Variants in TMIE observed in about 807,000 individuals in gnomAD.
The protein encoded by TMIE is transmembrane inner ear expressed protein.
A neutral mutation model predicts 16.8 loss-of-function variants in TMIE; 14 were observed. The ratio of observed to expected loss-of-function variants is 0.83; its 90% CI spans 0.55 to 1.30. TMIE has a LOEUF of 1.30. Ranked by LOEUF, TMIE falls within the 50% of genes most tolerant of loss-of-function variation. The probability of loss-of-function intolerance (pLI) is 0.00; values close to 1 mark genes in which losing one functional copy is unlikely to be tolerated. For synonymous variants in TMIE, 75 were observed against 87.2 expected, an observed-to-expected ratio of 0.86 and a Z score of 0.78; for missense variants, 204 against 205.9, an observed-to-expected ratio of 0.99 and a Z score of 0.06.
intron 2 of TMIE, 85 bp from the exon 3 acceptor site, chr3:46,709,040 TG>T (rs766032476): frequency 1.7e-5 from 26 of 1,567,752 alleles, no homozygotes; most frequent in South Asian, 1.6e-4. Context: ...TGTGGGTGGA[TG>T]GGGGCGGGCC....
chr3:46,701,178 T>C (rs1396209586), upstream of TMIE: 1 of 319,570 alleles, frequency 3.1e-6, no homozygotes, highest in Non-Finnish European at 5.7e-6. The surrounding 1 kb of genome is among the most constrained non-coding windows in gnomAD (Gnocchi z 4.3). Flanking sequence ...GGGGACCTGT[T>C]GATTAGGGAC....
chr3:46,704,876 C>T (rs1700531472), intron 1 of TMIE, among the ~76,000 whole-genome samples: 1 of 152,060 alleles, frequency 6.6e-6, no homozygotes, highest in South Asian at 2.1e-4. Flanking sequence ...CCTAGACACC[C>T]AGGGCCAGGG....
In TMIE at chr3:46,709,674, A is replaced by G. The variant is rs1700596596; in HGVS notation, c.457A>G (p.Lys153Glu). The change falls in exon 4 of 4, where the codon AAA (lysine) becomes GAA (glutamate). Residue 153 changes from lysine (K) to glutamate (E), a missense_variant. Lys to Glu is a moderately conservative substitution (Grantham distance 56). Coordinates refer to ENST00000643606, the MANE Select transcript of TMIE (RefSeq NM_147196.3). ...TGAGAAGAATGAGGCCAAGAAGAAG[A>G]AAGGAGAGAAATGAAGACATCCTGG... ...EDEKNEAKKK[K>E]GEK 1.2e-6 allele frequency: 2 copies of G among 1,613,818 alleles called. No individual in the cohort carries two copies.
upstream of TMIE, chr3:46,701,263 A>G: frequency 3.1e-6 from 1 of 323,562 alleles, no homozygotes; most frequent in Non-Finnish European, 5.7e-6. The surrounding 1 kb of genome is among the most constrained non-coding windows in gnomAD (Gnocchi z 4.3). Flanking sequence ...GGGGGCAGGG[A>G]GGGGGAGCCT....
chr3:46,696,084 C>T (rs1700409840), intron 1 of TMIE, among the ~76,000 whole-genome samples: 1 of 152,196 alleles, frequency 6.6e-6, no homozygotes, highest in Non-Finnish European at 1.5e-5. Flanking sequence ...CCCACCCACA[C>T]CACTCCCACA....
At chr3:46,696,224 C>T (rs913399118) in intron 1 of TMIE, among the ~76,000 whole-genome samples, 3 of 152,210 alleles carry the variant, frequency 2.0e-5, no homozygotes, top group Admixed American at 1.3e-4. Flanking sequence ...CCTGGGTATG[C>T]GTGTGCAGAT....
At chr3:46,707,988 C>A (rs896365631) in intron 2 of TMIE, among the ~76,000 whole-genome samples, 5 of 152,244 alleles carry the variant, frequency 3.3e-5, no homozygotes, top group African/African-American at 1.2e-4. Context: ...CTCAGGTCCA[C>A]CCCTGGACAG....
chr3:46,695,193 G>A (rs77225527), intron 1 of TMIE, among the ~76,000 whole-genome samples: 122 of 152,338 alleles, frequency 8.0e-4, no homozygotes, highest in Admixed American at 1.1e-3. Flanking sequence ...CAGAGCCACC[G>A]CCCCAGCAGG....
chr3:46,702,816 A>T (rs906072459), intron 1 of TMIE, among the ~76,000 whole-genome samples: 5 of 152,132 alleles, frequency 3.3e-5, no homozygotes, highest in African/African-American at 1.2e-4. Flanking sequence ...GCTGGGCTAG[A>T]GTCAGGTGTC....
chr3:46,703,445 A>C (rs1226314133), intron 1 of TMIE, among the ~76,000 whole-genome samples: 3 of 152,096 alleles, frequency 2.0e-5, no homozygotes, highest in African/African-American at 7.2e-5. Flanking sequence ...CAACACATTG[A>C]GCCTTAGAAT....
chr3:46,705,889 C>T lies in TMIE; in HGVS notation c.193C>T (p.Leu65Phe). The T allele has an allele frequency of 1.9e-6, 3 of 1,614,130 alleles. No homozygotes were observed. Among genetic ancestry groups the T allele is most frequent in the Non-Finnish European group, 1.7e-6 (2 of 1,180,000 alleles). The change falls in exon 2 of 4, where the codon CTC becomes TTC. Residue 65 changes from leucine to phenylalanine, a missense_variant. Coordinates refer to ENST00000643606, the MANE Select transcript of TMIE (RefSeq NM_147196.3). ...RLWHVVGIFS[L>F]FVLSIIITLC... ...GTGGCACGTGGTGGGCATCTTTTCGCTCTTCGTGTTGTCCATCAGTGAGTA... is the reference window on the plus strand; with the variant it reads ...GTGGCACGTGGTGGGCATCTTTTCGTTCTTCGTGTTGTCCATCAGTGAGTA...
chr3:46,709,591 AG>A lies in TMIE; in HGVS notation c.375del (p.Lys126ArgfsTer16), dbSNP rs1346799484. On this transcript the variant is annotated frameshift_variant, in exon 4 of 4. Transcript: ENST00000643606. LOFTEE classifies it high-confidence loss of function. Reference protein sequence around the residue: ...LTEVPGEDKKKKKKKKKDSVD... With the variant: ...LTEVPGEDKKXKKKKKKDSVD... ...CCCTGCCCCACAGAGGATAAGAAGAAGAAGAAGAAGAAGAAGAAGGACAGTG... is the reference window on the plus strand; with the variant it reads ...CCCTGCCCCACAGAGGATAAGAAGAAAAGAAGAAGAAGAAGAAGGACAGTG... 4.6e-6 allele frequency: 7 copies of A among 1,531,322 alleles called. No homozygotes were observed. The African/African-American group carries it at 5.5e-5, about 12-fold the overall frequency. 94.9% of individuals were successfully genotyped at this position (1,531,322 alleles called of 1,614,324 possible). A position where few individuals can be genotyped will look rare whatever the true frequency, so the allele number is the denominator to read the frequency against.
At chr3:46,697,025 A>G (rs1465647569), upstream of TMIE, among the ~76,000 whole-genome samples, 1 of 152,194 alleles carries the variant, frequency 6.6e-6, no homozygotes, top group Non-Finnish European at 1.5e-5. Flanking sequence ...GGTGGAGGCC[A>G]TAGTTCCTGT....
chr3:46,701,412 C>T lies in TMIE; in HGVS notation c.-76C>T. On this transcript the variant is annotated 5_prime_UTR_variant, in exon 1 of 4. Coordinates refer to ENST00000643606, the MANE Select transcript of TMIE (RefSeq NM_147196.3). The surrounding 1 kb of genome is among the most constrained non-coding windows in gnomAD (Gnocchi z 4.3). ...GTGGCCAAAGCCCGTGGCCACCGAG[C>T]GCCGGCTGGCAGGGGCAGTGACCGG... 8.0e-7 allele frequency: 1 copy of T among 1,250,460 alleles called. No individual in the cohort carries two copies. Among genetic ancestry groups the T allele is most frequent in the Non-Finnish European group, 1.1e-6 (1 of 934,044 alleles). 77.5% of individuals were successfully genotyped at this position (1,250,460 alleles called of 1,614,324 possible). A position where few individuals can be genotyped will look rare whatever the true frequency, so the allele number is the denominator to read the frequency against.
At chr3:46,694,105 C>T (rs1440239118), upstream of TMIE, among the ~76,000 whole-genome samples, 1 of 152,192 alleles carries the variant, frequency 6.6e-6, no homozygotes, top group African/African-American at 2.4e-5. Flanking sequence ...CCCTGAGTCA[C>T]AGAAGCCAGC....
intron 3 of TMIE, 117 bp from the exon 4 acceptor site, chr3:46,709,462 G>A (rs1700593105): frequency 6.2e-7 from 1 of 1,607,956 alleles, no homozygotes; most frequent in African/African-American, 1.3e-5. Flanking sequence ...TTCTCCAGTA[G>A]GAAGAAGGAA....
At chr3:46,699,823 T>C (rs931176277), upstream of TMIE, among the ~76,000 whole-genome samples, 2 of 152,202 alleles carry the variant, frequency 1.3e-5, no homozygotes, top group Non-Finnish European at 2.9e-5. Context: ...CCTGTCCTGC[T>C]AAGGAGAGCC....
chr3:46,703,919 T>G (rs1183867424), intron 1 of TMIE, among the ~76,000 whole-genome samples: 2 of 152,174 alleles, frequency 1.3e-5, no homozygotes, highest in Non-Finnish European at 2.9e-5. Flanking sequence ...TAGTAATCAG[T>G]GCACAACATC....
chr3:46,697,366 A>G (rs1700420235), upstream of TMIE, among the ~76,000 whole-genome samples: 1 of 152,036 alleles, frequency 6.6e-6, no homozygotes, highest in Non-Finnish European at 1.5e-5. Context: ...CCTGCCCTAT[A>G]CTCTGGGAGG....
Sources: gnomAD v4.1 joint callset for allele counts (sites outside exome capture counted in the v4.1 genomes callset) on GRCh38, gnomAD v4.1.1 for gene constraint, Gnocchi (gnomAD v3.1) non-coding constraint, MANE v1.5 for transcripts, NCBI Gene and HGNC (gene_info 2026-07-23, HGNC 2026-07-21) for gene names.